Variants in GCNT2 observed in about 807,000 individuals in gnomAD.
GCNT2 encodes glucosaminyl (N-acetyl) transferase 2 (I blood group).
A neutral mutation model predicts 34.2 loss-of-function variants in GCNT2; 34 were observed. The ratio of observed to expected loss-of-function variants is 1.00; its 90% CI spans 0.76 to 1.32. The LOEUF (loss-of-function observed/expected upper bound fraction) is 1.32, where lower values mean the gene tolerates loss of function less well. Among genes scored for constraint, GCNT2 ranks in the 40% most tolerant of loss-of-function variants. The pLI is 0.00. For missense variants in GCNT2, 584 were observed against 489.4 expected, an observed-to-expected ratio of 1.19 and a Z score of -1.82; for synonymous variants, 212 against 188.0, an observed-to-expected ratio of 1.13 and a Z score of -1.04.
At chr6:10,586,816 T>C (rs747929497) in intron 3 of GCNT2, 1 of 1,613,782 alleles carries the variant, frequency 6.2e-7, no homozygotes, top group South Asian at 1.1e-5. Flanking sequence ...TTTGTCGACT[T>C]TGTTCTACGT....
intron 3 of GCNT2, among the ~76,000 whole-genome samples, chr6:10,598,846 T>C (rs1045810622): frequency 2.6e-5 from 4 of 152,156 alleles, no homozygotes; most frequent in African/African-American, 9.7e-5. Flanking sequence ...TTATGTTCTC[T>C]CTCTGATTCT....
intron 3 of GCNT2, chr6:10,573,291 G>A (rs1484473638): frequency 3.6e-5 from 35 of 984,650 alleles, no homozygotes; most frequent in African/African-American, 1.7e-4. Context: ...AGTTACCTAC[G>A]CTGTTCCTTG....
intron 3 of GCNT2, among the ~76,000 whole-genome samples, chr6:10,616,952 G>C (rs981768114): frequency 7.9e-5 from 12 of 152,176 alleles, no homozygotes; most frequent in Non-Finnish European, 1.3e-4. Flanking sequence ...TAGACATAAA[G>C]GTTCTCCACG....
At chr6:10,526,813 G>C (rs1226066) in intron 1 of GCNT2, among the ~76,000 whole-genome samples, 2 of 152,062 alleles carry the variant, frequency 1.3e-5, no homozygotes, top group African/African-American at 4.8e-5. Context: ...ATATTATGTC[G>C]TCTTTGTGAT....
At chr6:10,597,093 T>C (rs1764884980) in intron 3 of GCNT2, among the ~76,000 whole-genome samples, 1 of 152,230 alleles carries the variant, frequency 6.6e-6, no homozygotes, top group East Asian at 1.9e-4. Context: ...TAATTTTGGT[T>C]TTAGGACATT....
At chr6:10,565,478 C>T (rs989651486) in intron 3 of GCNT2, among the ~76,000 whole-genome samples, 17 of 152,190 alleles carry the variant, frequency 1.1e-4, no homozygotes, top group South Asian at 2.1e-4. Flanking sequence ...GATTTTCCCA[C>T]GACCAGCTAT....
chr6:10,574,800 G>A, intron 3 of GCNT2: 2 of 614,502 alleles, frequency 3.3e-6, no homozygotes. Flanking sequence ...CCTTCCCACT[G>A]GCTCTCATAA....
At chr6:10,586,730 T>A (rs551170132) in intron 3 of GCNT2, 2 of 1,614,040 alleles carry the variant, frequency 1.2e-6, no homozygotes. Flanking sequence ...TGAAAAATAC[T>A]AATATTTTGA....
chr6:10,612,730 C>G (rs1415079774), intron 3 of GCNT2, among the ~76,000 whole-genome samples: 1 of 152,170 alleles, frequency 6.6e-6, no homozygotes, highest in Non-Finnish European at 1.5e-5. Context: ...TAAAGAGATT[C>G]AATAGTTGTT....
chr6:10,587,525 T>C (rs541452632), intron 3 of GCNT2, among the ~76,000 whole-genome samples: 1 of 152,328 alleles, frequency 6.6e-6, no homozygotes, highest in Non-Finnish European at 1.5e-5. Flanking sequence ...AGTTGGAACA[T>C]ACGGAGAGAG....
intron 3 of GCNT2, among the ~76,000 whole-genome samples, chr6:10,531,874 C>CT (rs71548846): frequency 0.12 from 15,321 of 129,484 alleles, 1,026 homozygotes; most frequent in African/African-American, 0.17. Context: ...CCAATCCCCA[C>CT]TTTTTTTTTT....
At chr6:10,541,041 G>A (rs969493175) in intron 3 of GCNT2, among the ~76,000 whole-genome samples, 3 of 152,168 alleles carry the variant, frequency 2.0e-5, no homozygotes, top group Admixed American at 1.3e-4. Flanking sequence ...TCGGGTACGT[G>A]TGCAGGATGT....
chr6:10,541,018 T>C (rs1270781117), intron 3 of GCNT2, among the ~76,000 whole-genome samples: 1 of 152,156 alleles, frequency 6.6e-6, no homozygotes, highest in Non-Finnish European at 1.5e-5. Context: ...TTTGTTTTCT[T>C]TCTATTTTAA....
At chr6:10,619,089 A>G (rs1449982752) in intron 3 of GCNT2, 2 of 152,184 alleles carry the variant, frequency 1.3e-5, no homozygotes, top group African/African-American at 4.8e-5. Context: ...TAATATTTTT[A>G]AAAGCCTAAT....
chr6:10,601,134 C>T (rs895378043), intron 3 of GCNT2, among the ~76,000 whole-genome samples: 2 of 152,014 alleles, frequency 1.3e-5, no homozygotes, highest in African/African-American at 4.8e-5. Flanking sequence ...TTCCTTTTGC[C>T]CTGCTTTTCT....
intron 4 of GCNT2, among the ~76,000 whole-genome samples, chr6:10,624,782 C>A (rs1365444738): frequency 1.3e-5 from 2 of 152,180 alleles, no homozygotes; most frequent in Non-Finnish European, 2.9e-5. Flanking sequence ...ATCCTCCCAA[C>A]AAAAGCCGCC....
chr6:10,625,391 A>G (rs1047385312), intron 4 of GCNT2, among the ~76,000 whole-genome samples: 7 of 152,126 alleles, frequency 4.6e-5, no homozygotes, highest in Non-Finnish European at 8.8e-5. Context: ...TCAACCAGCA[A>G]TTGTCCTGTG....
chr6:10,566,371 C>T (rs1202491652), intron 3 of GCNT2, among the ~76,000 whole-genome samples: 2 of 152,194 alleles, frequency 1.3e-5, no homozygotes, highest in Non-Finnish European at 2.9e-5. Context: ...CATCATGGCT[C>T]ACTGAAGCCT....
At chr6:10,585,860 G>A in intron 3 of GCNT2, 1 of 1,522,820 alleles carries the variant, frequency 6.6e-7, no homozygotes, top group Non-Finnish European at 8.7e-7. Flanking sequence ...AAAGGATTCA[G>A]GAAAGCAAGC....
Sources: gnomAD v4.1 joint callset for allele counts (sites outside exome capture counted in the v4.1 genomes callset) on GRCh38, gnomAD v4.1.1 for gene constraint, MANE v1.5 for transcripts, NCBI Gene and HGNC (gene_info 2026-07-23, HGNC 2026-07-21) for gene names.